LRP6: variants seen among roughly 807,000 people sequenced by gnomAD.
LRP6 encodes LDL receptor related protein 6.
LRP6 carries 43 observed loss-of-function variants against 184.1 expected under a neutral mutation model. The observed-to-expected ratio is 0.23, with a 90% CI of 0.18 to 0.30. The LOEUF is 0.30. LRP6 is among the 10% of genes least tolerant of loss of function. The pLI is 1.00. For missense variants in LRP6, 1,571 were observed against 2,005.3 expected (o/e 0.78, Z 4.14); for synonymous variants, 719 against 684.9 (o/e 1.05, Z -0.78).
At chr12:12,148,016 G>A (rs570140270) in intron 14 of LRP6, among the ~76,000 whole-genome samples, 1 of 139,814 alleles carries the variant, frequency 7.2e-6, no homozygotes, top group Non-Finnish European at 1.5e-5. Flanking sequence ...AAATATATAT[G>A]TGTATATATA....
Position 12,150,735 on chromosome 12 carries a change from C to A in LRP6, c.2994+101G>T, listed in dbSNP as rs1402658520. ...AGAATTTCAGTTTCATACACACATA[C>A]ACACACACTTAAGCAGAGTCAAGAC... On this transcript the variant is annotated intron_variant, in intron 13 of 22. Transcript: ENST00000261349. 4.9e-6 allele frequency: 6 copies of A among 1,234,616 alleles called. No homozygotes were observed. The African/African-American group carries it at 7.4e-5, about 15-fold the overall frequency. The allele number at this position is 1,234,616 out of a possible 1,614,324, so 76.5% of individuals were successfully genotyped here.
intron 2 of LRP6, among the ~76,000 whole-genome samples, chr12:12,222,932 C>T (rs1370536312): frequency 6.6e-6 from 1 of 151,924 alleles, no homozygotes; most frequent in Non-Finnish European, 1.5e-5. Flanking sequence ...TTTAGCAAAT[C>T]ACTCCTAGAC....
At chr12:12,254,822 C>A (rs886517629) in intron 1 of LRP6, among the ~76,000 whole-genome samples, 6 of 152,194 alleles carry the variant, frequency 3.9e-5, no homozygotes, top group African/African-American at 1.4e-4. Context: ...AAGATCACTT[C>A]CCGGCAGGCT....
intron 2 of LRP6, among the ~76,000 whole-genome samples, chr12:12,218,355 T>C (rs575543093): frequency 1.3e-5 from 2 of 152,076 alleles, no homozygotes; most frequent in South Asian, 4.2e-4. Context: ...CACCCACCTA[T>C]GGTCCCAGCT....
rs767459699 is a variant in LRP6 at position 12,159,983 on chromosome 12, A to C, written c.2280-19T>G. On this transcript the variant is annotated intron_variant, in intron 10 of 22. Coordinates refer to ENST00000261349, the MANE Select transcript of LRP6 (RefSeq NM_002336.3). ...CATAAATCTAAATTCAAAATAATAA[A>C]TATTTAACATTTCAATTTTTTATTA... 14 of 1,545,418 alleles carry C rather than the reference A, an allele frequency of 9.1e-6. No homozygotes were observed. Among genetic ancestry groups the C allele is most frequent in the Non-Finnish European group, 8.8e-6 (10 of 1,131,574 alleles).
At chr12:12,211,702 C>T (rs188113337) in intron 2 of LRP6, among the ~76,000 whole-genome samples, 159 of 152,284 alleles carry the variant, frequency 1.0e-3, no homozygotes, top group Middle Eastern at 3.4e-3. Context: ...ATAAGAACCT[C>T]ATGAACAGCC....
chr12:12,265,805 T>G (rs887263543), intron 1 of LRP6, among the ~76,000 whole-genome samples: 3 of 152,210 alleles, frequency 2.0e-5, no homozygotes, highest in Non-Finnish European at 2.9e-5. Flanking sequence ...TGTGTCAGCT[T>G]TGCAGTCCAA....
rs56087862 is a variant in LRP6, at chr12:12,244,720, C to G, written c.56-65G>C. 233,765 of 1,519,436 alleles carry G rather than the reference C, an allele frequency of 0.15. 19,888 individuals are homozygous for G. The highest frequency in any genetic ancestry group is 0.32 in the African/African-American group (22,847 of 72,392). 94.1% of individuals were successfully genotyped at this position (1,519,436 alleles called of 1,614,324 possible). ...AAAACGTATTGGTTCTTATAAACTG[C>G]GTTTCAAATCGGTTTAAGTGAGCAA... On this transcript the variant is annotated intron_variant, in intron 1 of 22. Transcript: ENST00000261349.
chr12:12,196,421 A>G (rs1863763426), intron 3 of LRP6, among the ~76,000 whole-genome samples: 1 of 151,974 alleles, frequency 6.6e-6, no homozygotes, highest in African/African-American at 2.4e-5. Context: ...TTCCTTGGTT[A>G]AATTTATTCC....
rs1445683819 is a variant in LRP6 at position 12,208,084 on chromosome 12, T to G, written c.450-4684A>C. On this transcript the variant is annotated intron_variant, in intron 2 of 22. Coordinates refer to ENST00000261349, the MANE Select transcript of LRP6 (RefSeq NM_002336.3). Reference sequence around the variant, plus strand: ...AATATAATATATTCATACAATGGAATACTATTCAGCAACATAAAAGAACTA... The same window carrying G: ...AATATAATATATTCATACAATGGAAGACTATTCAGCAACATAAAAGAACTA... Among the ~76,000 whole-genome samples, 3 of 152,236 alleles carry G rather than the reference T, an allele frequency of 2.0e-5. No homozygotes were observed. The East Asian group carries it at 5.8e-4, about 29-fold the overall frequency.
In LRP6 at chr12:12,266,979, C is replaced by T. The variant is rs776487978; in HGVS notation, c.-244G>A. ...GCTTCCATCCCGCCGCCTCCTCCCC[C>T]GGCGCCCCGCTTCCCCCGCGCAGCT... On this transcript the variant is annotated 5_prime_UTR_variant, in exon 1 of 23. Coordinates refer to ENST00000261349, the MANE Select transcript of LRP6 (RefSeq NM_002336.3). 5.9e-4 allele frequency: 313 copies of T among 534,680 alleles called. No individual in the cohort carries two copies. Among genetic ancestry groups the T allele is most frequent in the Non-Finnish European group, 7.7e-4 (237 of 306,636 alleles). The allele number at this position is 534,680 out of a possible 1,614,324, so 33.1% of individuals were successfully genotyped here. A position where few individuals can be genotyped will look rare whatever the true frequency, so the allele number is the denominator to read the frequency against.
At chr12:12,194,672 G>A (rs780423844) in intron 3 of LRP6, among the ~76,000 whole-genome samples, 47 of 152,134 alleles carry the variant, frequency 3.1e-4, no homozygotes, top group Non-Finnish European at 5.6e-4. Context: ...ATAAGGTACC[G>A]TGATCAGCTC....
intron 7 of LRP6, among the ~76,000 whole-genome samples, chr12:12,174,423 T>C (rs1405840876): frequency 2.6e-5 from 4 of 151,938 alleles, no homozygotes; most frequent in Non-Finnish European, 5.9e-5. Context: ...AAACTGAAGG[T>C]ATAATCAATT....
intron 10 of LRP6, 75 bp from the exon 11 acceptor site, chr12:12,160,039 T>G (rs1409869808): frequency 9.4e-7 from 1 of 1,069,494 alleles, no homozygotes; most frequent in East Asian, 2.6e-5. Flanking sequence ...TCATGCAAAG[T>G]AACTAAATAA....
chr12:12,226,204 C>T (rs572800764), intron 2 of LRP6, among the ~76,000 whole-genome samples: 1 of 152,226 alleles, frequency 6.6e-6, no homozygotes, highest in South Asian at 2.1e-4. Context: ...ACTATTTTTT[C>T]TCTCCCCACA....
intron 2 of LRP6, among the ~76,000 whole-genome samples, chr12:12,233,858 TA>T (rs559535712): frequency 1.4e-3 from 209 of 147,404 alleles, no homozygotes; most frequent in Non-Finnish European, 2.2e-3. Flanking sequence ...CTCAGCTAAT[TA>T]AAAAAAAAAC....
chr12:12,204,823 C>T (rs940132406), intron 2 of LRP6, among the ~76,000 whole-genome samples: 1 of 148,656 alleles, frequency 6.7e-6, no homozygotes, highest in Non-Finnish European at 1.5e-5. Context: ...AAAAGTTAGC[C>T]AGGAGTGGTG....
chr12:12,176,208 G>C (rs899799725), intron 7 of LRP6, among the ~76,000 whole-genome samples: 16 of 152,156 alleles, frequency 1.1e-4, no homozygotes, highest in South Asian at 2.1e-4. Context: ...AATCAGGAGG[G>C]GGGGTGGTGG....
intron 16 of LRP6, among the ~76,000 whole-genome samples, chr12:12,135,975 AG>A (rs1330218282): frequency 6.6e-6 from 1 of 152,118 alleles, no homozygotes; most frequent in Non-Finnish European, 1.5e-5. Context: ...GCCTGAACTC[AG>A]GAGTTCAAGA....
Sources: allele counts gnomAD v4.1 joint callset (sites outside exome capture counted in the v4.1 genomes callset), GRCh38; gene constraint gnomAD v4.1.1; transcripts MANE v1.5; gene names NCBI Gene and HGNC (gene_info 2026-07-23, HGNC 2026-07-21).